The following CACNA2D3 variants were observed in gnomAD, a reference collection of about 807,000 sequenced individuals.
CACNA2D3 encodes the protein calcium voltage-gated channel auxiliary subunit alpha2delta 3, also known as voltage-dependent calcium channel subunit alpha-2/delta-3.
CACNA2D3 carries 60 observed loss-of-function variants against 160.6 expected under a neutral mutation model. The observed-to-expected ratio is 0.37, with a 90% CI of 0.30 to 0.46. CACNA2D3 has a LOEUF of 0.46. CACNA2D3 is among the 20% of genes least tolerant of loss of function. CACNA2D3 has a pLI of 1.00. For missense variants in CACNA2D3, 1,205 were observed against 1,365.0 expected, an observed-to-expected ratio of 0.88 and a Z score of 1.85; for synonymous variants, 558 against 492.9, an observed-to-expected ratio of 1.13 and a Z score of -1.75.
Position 54,732,615 on chromosome 3 carries a change from T to A in CACNA2D3, c.1168-19984T>A, listed in dbSNP as rs896479180. Among the ~76,000 whole-genome samples the A allele has an allele frequency of 4.6e-5, 7 of 152,232 alleles. No homozygotes were observed. In the East Asian group the frequency reaches 1.2e-3, roughly 25 times the overall value. ...AGTGTTCAGTGAATAAATACATGCT[T>A]AAGCCATTTCCCCTGTGCCTTGTTG... On this transcript the variant is annotated intron_variant, in intron 11 of 37. Coordinates refer to ENST00000474759, the MANE Select transcript of CACNA2D3 (RefSeq NM_018398.3).
chr3:54,759,817 C>T (rs1251355290), intron 12 of CACNA2D3, among the ~76,000 whole-genome samples: 1 of 152,186 alleles, frequency 6.6e-6, no homozygotes, highest in Non-Finnish European at 1.5e-5. Flanking sequence ...TGTCCCTTCC[C>T]AGCAGCGAAA....
chr3:54,544,816 T>A (rs989058906), intron 5 of CACNA2D3, among the ~76,000 whole-genome samples: 1 of 152,264 alleles, frequency 6.6e-6, no homozygotes, highest in Admixed American at 6.5e-5. Flanking sequence ...ATTTATTATA[T>A]TTTAATTATG....
intron 31 of CACNA2D3, 25 bp from the exon 32 acceptor site, chr3:55,004,738 G>A: frequency 1.3e-6 from 2 of 1,536,194 alleles, no homozygotes; most frequent in Non-Finnish European, 1.8e-6. Context: ...ATTTAGTGAA[G>A]CTCCCTTCCA....
At chr3:54,576,551 G>A (rs992549486) in intron 8 of CACNA2D3, among the ~76,000 whole-genome samples, 1 of 152,210 alleles carries the variant, frequency 6.6e-6, no homozygotes, top group African/African-American at 2.4e-5. Flanking sequence ...AAAGGCATAT[G>A]ATGATGTGTC....
intron 2 of CACNA2D3, among the ~76,000 whole-genome samples, chr3:54,170,602 C>G (rs1289582994): frequency 1.3e-5 from 2 of 152,148 alleles, no homozygotes; most frequent in Admixed American, 6.5e-5. Context: ...AGAAATCTCC[C>G]TTCCTCCCTG....
At chr3:54,726,893 C>G (rs1252724386) in intron 11 of CACNA2D3, among the ~76,000 whole-genome samples, 1 of 152,134 alleles carries the variant, frequency 6.6e-6, no homozygotes, top group Non-Finnish European at 1.5e-5. Flanking sequence ...GCAATGGCAA[C>G]AAAAGCCAAA....
At chr3:54,873,445 G>C (rs1699587294) in intron 18 of CACNA2D3, among the ~76,000 whole-genome samples, 1 of 151,686 alleles carries the variant, frequency 6.6e-6, no homozygotes, top group Non-Finnish European at 1.5e-5. Context: ...CTTTTTGCAT[G>C]CTACTTGAAG....
intron 3 of CACNA2D3, among the ~76,000 whole-genome samples, chr3:54,332,088 T>C (rs1480761663): frequency 6.6e-6 from 1 of 152,168 alleles, no homozygotes; most frequent in East Asian, 1.9e-4. Flanking sequence ...AAAAAATAAT[T>C]CATTAAACTT....
chr3:54,827,330 A>G (rs1260943234), intron 14 of CACNA2D3, among the ~76,000 whole-genome samples: 2 of 152,264 alleles, frequency 1.3e-5, no homozygotes, highest in Non-Finnish European at 2.9e-5. Flanking sequence ...GGTAGCAAGT[A>G]CAAATGATAT....
intron 3 of CACNA2D3, among the ~76,000 whole-genome samples, chr3:54,355,470 T>C (rs1379610681): frequency 2.0e-5 from 3 of 151,710 alleles, no homozygotes; most frequent in Non-Finnish European, 4.4e-5. Context: ...TGGAGAGAGG[T>C]ATGGTCAGGA....
chr3:55,029,328 A>G (rs943703314), intron 35 of CACNA2D3, among the ~76,000 whole-genome samples: 1 of 152,216 alleles, frequency 6.6e-6, no homozygotes, highest in Non-Finnish European at 1.5e-5. Flanking sequence ...CAAGAGGGCT[A>G]TAAGCATAGT....
intron 9 of CACNA2D3, among the ~76,000 whole-genome samples, chr3:54,593,857 T>C (rs1414144998): frequency 3.9e-5 from 6 of 152,316 alleles, no homozygotes; most frequent in Non-Finnish European, 5.9e-5. Context: ...TGCAAAATAG[T>C]TCCTAATTCC....
intron 6 of CACNA2D3, among the ~76,000 whole-genome samples, chr3:54,564,352 G>A (rs1297108635): frequency 6.6e-6 from 1 of 152,178 alleles, no homozygotes; most frequent in Admixed American, 6.5e-5. Flanking sequence ...AGAACAATTG[G>A]TTCAGCCATG....
intron 3 of CACNA2D3, among the ~76,000 whole-genome samples, chr3:54,383,811 G>T (rs2106653236): frequency 6.6e-6 from 1 of 152,234 alleles, no homozygotes; most frequent in East Asian, 1.9e-4. Context: ...TGTTCTGGCT[G>T]CTCTTAGTAG....
intron 3 of CACNA2D3, among the ~76,000 whole-genome samples, chr3:54,343,398 C>A (rs938082045): frequency 6.6e-6 from 1 of 152,092 alleles, no homozygotes; most frequent in African/African-American, 2.4e-5. Flanking sequence ...TTCAAGGGAT[C>A]CTCTCACCAC....
intron 24 of CACNA2D3, among the ~76,000 whole-genome samples, chr3:54,890,529 A>G (rs1416116068): frequency 1.3e-5 from 2 of 151,952 alleles, no homozygotes; most frequent in African/African-American, 4.8e-5. Context: ...AAGAAAGAAA[A>G]AAAATATTAT....
rs899046379 is a variant in CACNA2D3 at position 54,879,437 on chromosome 3, A to G, written c.1844+26A>G. ...GTAGAGCTGACCATAATACATGGAC[A>G]TTCCATCAGACCCATCAGTTGTGTT... On this transcript the variant is annotated intron_variant, in intron 20 of 37. Transcript: ENST00000474759. The G allele has an allele frequency of 4.0e-6, 6 of 1,497,806 alleles. No homozygotes were observed. In the Admixed American group the frequency reaches 6.9e-5, roughly 17 times the overall value. 92.8% of individuals were successfully genotyped at this position (1,497,806 alleles called of 1,614,324 possible).
At chr3:54,965,333 G>A (rs750557674) in intron 27 of CACNA2D3, among the ~76,000 whole-genome samples, 7 of 152,226 alleles carry the variant, frequency 4.6e-5, no homozygotes, top group African/African-American at 7.2e-5. Flanking sequence ...TTCTTCTCAA[G>A]CCTCCAAACA....
intron 4 of CACNA2D3, among the ~76,000 whole-genome samples, chr3:54,410,979 G>A (rs529218420): frequency 6.6e-6 from 1 of 152,304 alleles, no homozygotes; most frequent in Admixed American, 6.5e-5. Flanking sequence ...CAGAGTCTAA[G>A]CCTCATGGAT....
Sources: allele counts gnomAD v4.1 joint callset (sites outside exome capture counted in the v4.1 genomes callset), GRCh38; gene constraint gnomAD v4.1.1; transcripts MANE v1.5; gene names NCBI Gene and HGNC (gene_info 2026-07-23, HGNC 2026-07-21).